PSD4: variants seen among roughly 807,000 people sequenced by gnomAD.
PSD4 encodes the protein pleckstrin and Sec7 domain containing 4, also known as PH and SEC7 domain-containing protein 4.
Under a neutral mutation model 112.5 loss-of-function variants are expected in PSD4, and 59 were observed. That is an observed-to-expected ratio of 0.52 (90% CI 0.43 to 0.65). The LOEUF (loss-of-function observed/expected upper bound fraction) is 0.65, where lower values mean the gene tolerates loss of function less well. Ranked by LOEUF, PSD4 falls within the 30% of genes least tolerant of loss-of-function variation. The pLI is 0.00. For synonymous variants in PSD4, 533 were observed against 540.0 expected (o/e 0.99, Z 0.18); for missense variants, 1,267 against 1,352.6 (o/e 0.94, Z 0.99).
intron 4 of PSD4, 141 bp from the exon 5 acceptor site, chr2:113,185,735 GA>G (rs1688279806): frequency 6.5e-7 from 1 of 1,549,610 alleles, no homozygotes. Flanking sequence ...CTGCAAGTGG[GA>G]GAGGTCACTG....
intron 3 of PSD4, 94 bp downstream of exon 3, chr2:113,185,167 A>G (rs1688259630): frequency 6.3e-7 from 1 of 1,587,244 alleles, no homozygotes; most frequent in African/African-American, 1.3e-5. Flanking sequence ...CAACAATCCT[A>G]GGATGTGGGG....
At chr2:113,191,168 C>G (rs1205028034) in intron 5 of PSD4, among the ~76,000 whole-genome samples, 1 of 152,200 alleles carries the variant, frequency 6.6e-6, no homozygotes, top group Non-Finnish European at 1.5e-5. Flanking sequence ...ACCCAAAGAC[C>G]TTGTGATGGG....
Position 113,201,171 on chromosome 2 carries a change from A to G in PSD4, c.2927A>G (p.Glu976Gly), listed in dbSNP as rs780227871. ...EYLEYEKTRYETYVQLLVARL... is the reference protein window; with the variant it reads ...EYLEYEKTRYGTYVQLLVARL... The stretch of plus-strand genomic sequence containing the variant: ...TGTGTGTTGCAGAAAACCCGCTACG[A>G]GACCTACGTGCAGCTGCTGGTGGCC... Residue 976 changes from glutamate to glycine, a missense_variant, in exon 17 of 17, where the codon GAG (glutamate) becomes GGG (glycine). Physicochemically the swap from Glu to Gly is moderately conservative, Grantham distance 98. This residue lies in a region of PSD4 where 544 missense variants were observed against 648.6 expected (regional missense o/e 0.84). Coordinates refer to ENST00000245796, the MANE Select transcript of PSD4 (RefSeq NM_012455.3). 1.7e-5 allele frequency: 27 copies of G among 1,611,604 alleles called. No individual in the cohort carries two copies. In the East Asian group the frequency reaches 6.0e-4, roughly 36 times the overall value.
intron 1 of PSD4, among the ~76,000 whole-genome samples, chr2:113,177,686 A>AG (rs202001389): frequency 0.047 from 6,242 of 133,886 alleles, 429 homozygotes; most frequent in African/African-American, 0.17. Context: ...ATGCCCCCAG[A>AG]CCTTGTGGGT....
intron 1 of PSD4, among the ~76,000 whole-genome samples, chr2:113,181,299 T>C (rs1490863295): frequency 6.6e-6 from 1 of 151,692 alleles, no homozygotes; most frequent in Non-Finnish European, 1.5e-5. Context: ...TACTTGACCC[T>C]GCACTTCCAC....
At chr2:113,182,302 C>T (rs1688158061) in intron 1 of PSD4, 44 bp from the exon 2 acceptor site, 2 of 698,408 alleles carry the variant, frequency 2.9e-6, no homozygotes, top group South Asian at 3.8e-5. Context: ...CCTCCAGAGG[C>T]TGACAGCCCT....
At position 113,203,797 on chromosome 2, in the gene PSD4, T is replaced by G. The variant is rs1166986702; in HGVS notation, c.*2382T>G. ...CTGGTCTCGAACTCCTGACCTCAGG[T>G]AGTCTGCCTGCCTCGGCCCCCCAAA... On this transcript the variant is annotated 3_prime_UTR_variant, in exon 17 of 17. Coordinates refer to ENST00000245796, the MANE Select transcript of PSD4 (RefSeq NM_012455.3). The G allele has an allele frequency of 6.6e-6, 1 of 152,132 alleles. No individual in the cohort carries two copies. Among genetic ancestry groups the G allele is most frequent in the Admixed American group, 6.6e-5 (1 of 15,266 alleles). The allele number at this position is 152,132 out of a possible 1,614,324, so 9.4% of individuals were successfully genotyped here. A position where few individuals can be genotyped will look rare whatever the true frequency, so the allele number is the denominator to read the frequency against.
At chr2:113,183,706 T>C (rs1396743973) in intron 2 of PSD4, among the ~76,000 whole-genome samples, 194 bp downstream of exon 2, 1 of 152,176 alleles carries the variant, frequency 6.6e-6, no homozygotes, top group African/African-American at 2.4e-5. Context: ...GGACATTTTA[T>C]CAATGCCATG....
Sources: allele counts gnomAD v4.1 joint callset (sites outside exome capture counted in the v4.1 genomes callset), GRCh38; gene constraint gnomAD v4.1.1; regional missense constraint gnomAD v4.1.1; transcripts MANE v1.5; gene names NCBI Gene and HGNC (gene_info 2026-07-23, HGNC 2026-07-21).